The following DAB1 variants were observed in gnomAD, a reference collection of about 807,000 sequenced individuals.
DAB1 encodes the protein disabled homolog 1.
A neutral mutation model predicts 64.6 loss-of-function variants in DAB1; 15 were observed. The ratio of observed to expected loss-of-function variants is 0.23; its 90% CI spans 0.16 to 0.36. The LOEUF (loss-of-function observed/expected upper bound fraction) is 0.36, where lower values mean the gene tolerates loss of function less well. DAB1 is among the 10% of genes least tolerant of loss of function. DAB1 has a pLI of 1.00. For missense variants in DAB1, 596 were observed against 706.7 expected (o/e 0.84, Z 1.78); for synonymous variants, 235 against 251.9 (o/e 0.93, Z 0.64).
intron 4 of DAB1, among the ~76,000 whole-genome samples, chr1:58,235,074 G>C (rs377555413): frequency 1.3e-5 from 2 of 152,186 alleles, no homozygotes; most frequent in African/African-American, 4.8e-5. Flanking sequence ...CCGGCCCCTC[G>C]CCACACACCC....
chr1:57,193,381 G>GTTTTTTTTTTTTTTTTTT lies in DAB1; in HGVS notation c.68-47970_68-47953dup, dbSNP rs999329119. Among the ~76,000 whole-genome samples, 4 of 83,060 alleles carry GTTTTTTTTTTTTTTTTTT rather than the reference G, an allele frequency of 4.8e-5. 1 individual carries two copies. Among genetic ancestry groups the GTTTTTTTTTTTTTTTTTT allele is most frequent in the Non-Finnish European group, 8.6e-5 (4 of 46,286 alleles). 54.5% of individuals were successfully genotyped at this position (83,060 alleles called of 152,430 possible). A position where few individuals can be genotyped will look rare whatever the true frequency, so the allele number is the denominator to read the frequency against. On this transcript the variant is annotated intron_variant, in intron 2 of 14. Coordinates refer to ENST00000371236, the MANE Select transcript of DAB1 (RefSeq NM_001365792.1). ...CCTTCCAGATTCATCCGTAGCATAT[G>GTTTTTTTTTTTTTTTTTT]TTTTTTTTTTTTTTTTTTTTTTTGA...
At chr1:58,357,026 CAA>C (rs3990929) in intron 3 of DAB1, among the ~76,000 whole-genome samples, 26,084 of 86,040 alleles carry the variant, frequency 0.3, 2,970 homozygotes, top group Admixed American at 0.44. Flanking sequence ...ACCCTGTCTC[CAA>C]AAAAAAAAAA....
chr1:57,444,662 G>A (rs1686070768), intron 7 of DAB1, among the ~76,000 whole-genome samples: 2 of 152,186 alleles, frequency 1.3e-5, no homozygotes, highest in South Asian at 4.1e-4. Context: ...ACAGAGAGAA[G>A]AGGAAGAGGT....
intron 1 of DAB1, among the ~76,000 whole-genome samples, chr1:57,829,887 T>C (rs1652512988): frequency 6.6e-6 from 1 of 152,222 alleles, no homozygotes; most frequent in Non-Finnish European, 1.5e-5. Context: ...ATTACTGCAG[T>C]GCTGGTAATA....
intron 12 of DAB1, among the ~76,000 whole-genome samples, chr1:57,011,756 C>T (rs1191967055): frequency 2.0e-5 from 3 of 152,200 alleles, no homozygotes; most frequent in Non-Finnish European, 4.4e-5. Flanking sequence ...ACTTTACAGA[C>T]AATATCTCTA....
chr1:57,581,339 T>A (rs886272166), intron 7 of DAB1, among the ~76,000 whole-genome samples: 3 of 152,300 alleles, frequency 2.0e-5, no homozygotes, highest in South Asian at 2.1e-4. Flanking sequence ...TTCTTTAAAA[T>A]TTTTTTAAAA....
At chr1:57,449,806 G>A (rs575062606) in intron 7 of DAB1, among the ~76,000 whole-genome samples, 59 of 152,194 alleles carry the variant, frequency 3.9e-4, no homozygotes, top group Non-Finnish European at 6.9e-4. Context: ...ATGTCATTTT[G>A]TGTCTATTAT....
chr1:57,700,131 G>A (rs900531502), intron 6 of DAB1, among the ~76,000 whole-genome samples: 4 of 152,010 alleles, frequency 2.6e-5, no homozygotes, highest in African/African-American at 4.8e-5. Flanking sequence ...ATGTGCTACC[G>A]GTCATTTGAA....
intron 2 of DAB1, among the ~76,000 whole-genome samples, chr1:57,161,704 T>A (rs940262248): frequency 2.0e-5 from 3 of 152,150 alleles, no homozygotes; most frequent in African/African-American, 7.2e-5. Context: ...GGAAACATGT[T>A]CAAGACTTAA....
chr1:57,143,354 C>T (rs762165102), intron 3 of DAB1, among the ~76,000 whole-genome samples: 17 of 152,112 alleles, frequency 1.1e-4, no homozygotes, highest in Non-Finnish European at 1.9e-4. Flanking sequence ...TCCTGTCCAA[C>T]TCTTGTCTAT....
intron 9 of DAB1, among the ~76,000 whole-genome samples, chr1:57,059,530 T>A (rs1056050377): frequency 7.2e-5 from 11 of 152,026 alleles, no homozygotes; most frequent in Non-Finnish European, 2.9e-5. Flanking sequence ...GAGCAAACAG[T>A]GAGAGGCAAG....
chr1:58,225,508 C>CGGCTATAA (rs1472954210), intron 4 of DAB1, among the ~76,000 whole-genome samples: 1 of 151,902 alleles, frequency 6.6e-6, no homozygotes, highest in Non-Finnish European at 1.5e-5. Flanking sequence ...AAGACACATG[C>CGGCTATAA]ACACGTATGT....
chr1:57,169,052 C>A (rs546156735), intron 2 of DAB1, among the ~76,000 whole-genome samples: 1 of 151,782 alleles, frequency 6.6e-6, no homozygotes, highest in African/African-American at 2.4e-5. Flanking sequence ...TGGGACCCTG[C>A]CTCAAATAAA....
chr1:58,257,720 AT>A lies in DAB1; in HGVS notation n.309+85631del, dbSNP rs376075654. ...TAGAGTAACCCCTAGTTTCTAGGTG[AT>A]TCTTTATAAACAACTCTACAAAACA... On this transcript the variant is annotated intron_variant and non_coding_transcript_variant, in intron 4 of 20. Coordinates refer to the DAB1 transcript ENST00000485760. 7.4e-3 allele frequency among the ~76,000 whole-genome samples: 1,125 copies of A among 152,328 alleles called. 17 individuals are homozygous for A. Among genetic ancestry groups the A allele is most frequent in the African/African-American group, 0.025 (1,055 of 41,572 alleles).
intron 6 of DAB1, among the ~76,000 whole-genome samples, chr1:57,737,581 C>A (rs1362342357): frequency 1.3e-5 from 2 of 152,188 alleles, no homozygotes; most frequent in African/African-American, 4.8e-5. Flanking sequence ...TGTTAAGCAT[C>A]ACCTCGTATT....
chr1:57,173,702 T>C (rs2100934841), intron 2 of DAB1, among the ~76,000 whole-genome samples: 1 of 152,336 alleles, frequency 6.6e-6, no homozygotes, highest in Non-Finnish European at 1.5e-5. Flanking sequence ...AGACATTTTC[T>C]TTTGTTACTT....
intron 1 of DAB1, among the ~76,000 whole-genome samples, chr1:57,368,044 C>A (rs938089641): frequency 6.6e-6 from 1 of 152,232 alleles, no homozygotes; most frequent in Non-Finnish European, 1.5e-5. Flanking sequence ...GCTATTGGCA[C>A]CTGCTCCCAT....
At chr1:57,247,696 T>C (rs57974346) in intron 2 of DAB1, among the ~76,000 whole-genome samples, 3,266 of 152,302 alleles carry the variant, frequency 0.021, 116 homozygotes, top group African/African-American at 0.073. Flanking sequence ...GCTTCCTTGT[T>C]GTTAGGAAAG....
At chr1:58,500,810 A>T (rs1014892802) in intron 3 of DAB1, among the ~76,000 whole-genome samples, 2 of 152,222 alleles carry the variant, frequency 1.3e-5, no homozygotes, top group Non-Finnish European at 2.9e-5. Flanking sequence ...GTGGAGAATA[A>T]GAAATTCAGT....
Sources: allele counts gnomAD v4.1 joint callset (sites outside exome capture counted in the v4.1 genomes callset), GRCh38; gene constraint gnomAD v4.1.1; transcripts MANE v1.5; gene names NCBI Gene and HGNC (gene_info 2026-07-23, HGNC 2026-07-21).